The following SDK2 variants were observed in gnomAD, a reference collection of about 807,000 sequenced individuals.
SDK2 encodes protein sidekick-2.
Under a neutral mutation model 253.9 loss-of-function variants are expected in SDK2, and 105 were observed. The observed-to-expected ratio is 0.41, with a 90% CI of 0.35 to 0.49. The LOEUF (loss-of-function observed/expected upper bound fraction) is 0.49, where lower values mean the gene tolerates loss of function less well. SDK2 is among the 20% of genes least tolerant of loss of function. The pLI is 0.06. For missense variants in SDK2, 2,608 were observed against 3,003.0 expected (o/e 0.87, Z 3.07); for synonymous variants, 1,249 against 1,234.9 (o/e 1.01, Z -0.24).
In SDK2 at chr17:73,424,242, C is replaced by T. The variant is rs138698708; in HGVS notation, c.1584-150G>A. 964 of 657,432 alleles carry T rather than the reference C, an allele frequency of 1.5e-3. 2 individuals carry two copies. Among genetic ancestry groups the T allele is most frequent in the Middle Eastern group, 2.3e-3 (6 of 2,584 alleles). 40.7% of individuals were successfully genotyped at this position (657,432 alleles called of 1,614,324 possible). A position where few individuals can be genotyped will look rare whatever the true frequency, so the allele number is the denominator to read the frequency against. On this transcript the variant is annotated intron_variant, in intron 12 of 44. Transcript: ENST00000392650. Reference sequence around the variant, plus strand: ...CAGGCAGGACACTGGGATCGGGGAGCGGGACACTGTTGAAGGCCAAACAGT... The same window carrying T: ...CAGGCAGGACACTGGGATCGGGGAGTGGGACACTGTTGAAGGCCAAACAGT...
At chr17:73,420,633 C>T (rs1156691033) in intron 15 of SDK2, among the ~76,000 whole-genome samples, 1 of 150,986 alleles carries the variant, frequency 6.6e-6, no homozygotes, top group African/African-American at 2.4e-5. Flanking sequence ...ACCTGGCCCG[C>T]TCCTGTGTTT....
chr17:73,363,378 G>C (rs1006170409), intron 38 of SDK2, among the ~76,000 whole-genome samples: 3 of 152,186 alleles, frequency 2.0e-5, no homozygotes, highest in Non-Finnish European at 4.4e-5. Flanking sequence ...CCGCTAAGTG[G>C]ATTACTAAAT....
At position 73,461,401 on chromosome 17, in the gene SDK2, G is replaced by A. The variant is rs887732161; in HGVS notation, c.332-5348C>T. Among the ~76,000 whole-genome samples, 4 of 152,220 alleles carry A rather than the reference G, an allele frequency of 2.6e-5. No homozygotes were observed. The South Asian group carries it at 6.2e-4, about 24-fold the overall frequency. On this transcript the variant is annotated intron_variant, in intron 3 of 44. Transcript: ENST00000392650. Reference sequence around the variant, plus strand: ...TTTGGTGATGTCTATGACAACTGTCGAAAAGGAGGGAATGAGGTTCTTCAG... The same window carrying A: ...TTTGGTGATGTCTATGACAACTGTCAAAAAGGAGGGAATGAGGTTCTTCAG...
chr17:73,536,689 C>T (rs190143307), intron 1 of SDK2, among the ~76,000 whole-genome samples: 1 of 152,350 alleles, frequency 6.6e-6, no homozygotes, highest in African/African-American at 2.4e-5. Flanking sequence ...TCCAAGGTTC[C>T]ATGTGCAAGC....
intron 2 of SDK2, among the ~76,000 whole-genome samples, chr17:73,490,445 C>T (rs1206176630): frequency 6.6e-6 from 1 of 151,686 alleles, no homozygotes; most frequent in Non-Finnish European, 1.5e-5. Context: ...AGGCAAGCTG[C>T]CTAATCTCTC....
chr17:73,363,885 G>T (rs922790578), intron 38 of SDK2, among the ~76,000 whole-genome samples: 4 of 152,036 alleles, frequency 2.6e-5, no homozygotes, highest in Non-Finnish European at 5.9e-5. Flanking sequence ...TCCTGCTGGG[G>T]CCTGGCTCCC....
intron 1 of SDK2, among the ~76,000 whole-genome samples, chr17:73,539,129 C>T (rs1242782978): frequency 1.3e-5 from 2 of 152,176 alleles, no homozygotes; most frequent in Non-Finnish European, 2.9e-5. Flanking sequence ...AAGTCCCCAT[C>T]CCCAAAGAGA....
rs368628063 is a variant in SDK2 at position 73,570,317 on chromosome 17, C to A, written c.65-62720G>T. Among the ~76,000 whole-genome samples, 1 of 152,208 alleles carries A rather than the reference C, an allele frequency of 6.6e-6. No individual in the cohort carries two copies. Among genetic ancestry groups the A allele is most frequent in the South Asian group, 2.1e-4 (1 of 4,828 alleles). Reference sequence around the variant, plus strand: ...ACACCGGGTCCAGAAACCACACAACCCATAGGTTCTGTGAGCTCCTGGCTC... The same window carrying A: ...ACACCGGGTCCAGAAACCACACAACACATAGGTTCTGTGAGCTCCTGGCTC... On this transcript the variant is annotated intron_variant, in intron 1 of 44. Transcript: ENST00000392650. The surrounding 1 kb of genome is among the most constrained non-coding windows in gnomAD (Gnocchi z 4.2).
chr17:73,504,266 G>A (rs1194197937), intron 2 of SDK2: 1 of 51,120 alleles, frequency 2.0e-5, no homozygotes, highest in East Asian at 5.3e-4. Context: ...GTGTGTGTGT[G>A]AAAGAGAGAG....
chr17:73,437,895 C>G, intron 7 of SDK2, 69 bp downstream of exon 7: 3 of 1,606,444 alleles, frequency 1.9e-6, no homozygotes, highest in Non-Finnish European at 2.6e-6. Flanking sequence ...GGGGGTCACC[C>G]TTAAGGAGGA....
At chr17:73,397,096 G>A (rs1438445456) in intron 24 of SDK2, among the ~76,000 whole-genome samples, 1 of 152,252 alleles carries the variant, frequency 6.6e-6, no homozygotes, top group African/African-American at 2.4e-5. Flanking sequence ...TGGAAACAAA[G>A]GGTTTGTGTG....
In SDK2 at chr17:73,411,075, C is replaced by G. The variant is rs886540898; in HGVS notation, c.2484+3569G>C. ...CCTCCCCTTCCTTCCTCTGCCTCCC[C>G]CCAGGGTCCCAATTAGGAGAGTTTT... On this transcript the variant is annotated intron_variant, in intron 18 of 44. Transcript: ENST00000392650. 4.6e-5 allele frequency among the ~76,000 whole-genome samples: 7 copies of G among 152,332 alleles called. No individual in the cohort carries two copies. In the East Asian group the frequency reaches 5.8e-4, roughly 13 times the overall value.
At chr17:73,432,205 C>A (rs964057599) in intron 10 of SDK2, among the ~76,000 whole-genome samples, 1 of 152,062 alleles carries the variant, frequency 6.6e-6, no homozygotes, top group South Asian at 2.1e-4. Flanking sequence ...GACAGACCTC[C>A]TTCTGCAGGG....
In SDK2 at chr17:73,377,116, C is replaced by T. The variant is rs142842884; in HGVS notation, c.4980+2061G>A. On this transcript the variant is annotated intron_variant, in intron 36 of 44. Transcript: ENST00000392650. Reference sequence around the variant, plus strand: ...GCTCTTCTCTGGAGTAACAACCAGCCGCCAAGAATGAGAGTCAACTGGACA... The same window carrying T: ...GCTCTTCTCTGGAGTAACAACCAGCTGCCAAGAATGAGAGTCAACTGGACA... Among the ~76,000 whole-genome samples the T allele has an allele frequency of 7.7e-4, 116 of 149,802 alleles. 2 individuals are homozygous for T. Among genetic ancestry groups the T allele is most frequent in the Non-Finnish European group, 7.4e-4 (50 of 67,992 alleles).
chr17:73,638,095 G>A (rs902817169), intron 1 of SDK2, among the ~76,000 whole-genome samples: 1 of 152,246 alleles, frequency 6.6e-6, no homozygotes. Flanking sequence ...GGGGTGTGCT[G>A]GATGTACAGA....
chr17:73,369,180 C>G, intron 36 of SDK2: 1 of 470,876 alleles, frequency 2.1e-6, no homozygotes, highest in East Asian at 6.9e-5. Flanking sequence ...GGCACATCAG[C>G]ACTTAGTACA....
chr17:73,365,497 G>A, intron 37 of SDK2, 102 bp from the exon 38 acceptor site: 1 of 1,263,136 alleles, frequency 7.9e-7, no homozygotes, highest in Non-Finnish European at 1.1e-6. Flanking sequence ...TCTGAGCCCG[G>A]GAGGAACAAG....
At chr17:73,420,474 G>GTGCC (rs1167997666) in intron 15 of SDK2, among the ~76,000 whole-genome samples, 1 of 151,788 alleles carries the variant, frequency 6.6e-6, no homozygotes, top group Non-Finnish European at 1.5e-5. Context: ...GGGATTATGG[G>GTGCC]TGCCTGCCAC....
At chr17:73,440,779 G>A (rs770457247) in intron 6 of SDK2, 33 bp downstream of exon 6, 13 of 1,453,864 alleles carry the variant, frequency 8.9e-6, no homozygotes, top group South Asian at 7.3e-5. Flanking sequence ...CTGGAGTTAC[G>A]GGTGCGGGAG....
Sources: allele counts gnomAD v4.1 joint callset (sites outside exome capture counted in the v4.1 genomes callset), GRCh38; gene constraint gnomAD v4.1.1; non-coding constraint Gnocchi (gnomAD v3.1); transcripts MANE v1.5; gene names NCBI Gene and HGNC (gene_info 2026-07-23, HGNC 2026-07-21).